Variants in HIP1 observed in about 807,000 individuals in gnomAD.
HIP1 encodes the protein huntingtin interacting protein 1, also known as huntingtin-interacting protein 1.
In HIP1, 65 loss-of-function variants were observed where a neutral mutation model predicts 147.6. That is an observed-to-expected ratio of 0.44 (90% CI 0.36 to 0.54). HIP1 has a LOEUF of 0.54. Ranked by LOEUF, HIP1 falls within the 20% of genes least tolerant of loss-of-function variation. HIP1 has a pLI of 0.00. For synonymous variants in HIP1, 479 were observed against 504.0 expected (o/e 0.95, Z 0.67); for missense variants, 1,061 against 1,299.6 (o/e 0.82, Z 2.82).
chr7:75,561,317 T>C lies in HIP1; in HGVS notation c.1191+12A>G. ...TGGTGAAGCGCAAAGGCAGAGCAGA[T>C]CCAAGTTATACCTCAGTCTTCATGT... On this transcript the variant is annotated intron_variant, in intron 13 of 30. Coordinates refer to ENST00000336926, the MANE Select transcript of HIP1 (RefSeq NM_005338.7). 1 of 1,584,826 alleles carries C rather than the reference T, an allele frequency of 6.3e-7. No homozygotes were observed. The highest frequency in any genetic ancestry group is 8.7e-7 in the Non-Finnish European group (1 of 1,153,300).
intron 1 of HIP1, chr7:75,626,724 A>G (rs1798052095): frequency 6.6e-6 from 1 of 152,226 alleles, no homozygotes; most frequent in Admixed American, 6.5e-5. Flanking sequence ...ACAAAAATTA[A>G]AGTCTACAAA....
Position 75,554,487 on chromosome 7 carries a change from A to T in HIP1, c.2003T>A (p.Ile668Asn). Reference protein sequence around the residue: ...LSTVTSISSCIEQLEKSWSQY... With the variant: ...LSTVTSISSCNEQLEKSWSQY... ...GCTCCAGCTTTTCTCCAGTTGCTCGATGCAGCTGGAAATGGATGTGACCGT... is the reference window on the plus strand; with the variant it reads ...GCTCCAGCTTTTCTCCAGTTGCTCGTTGCAGCTGGAAATGGATGTGACCGT... The change falls in exon 20 of 31, where the codon ATC becomes AAC. Residue 668 changes from isoleucine (I) to asparagine (N), a missense_variant. By Grantham distance (149) the Ile-to-Asn change is moderately radical (BLOSUM62 -3). This residue lies in a region of HIP1 where 810 missense variants were observed against 946.8 expected (regional missense o/e 0.86). Coordinates refer to ENST00000336926, the MANE Select transcript of HIP1 (RefSeq NM_005338.7). 6.2e-7 allele frequency: 1 copy of T among 1,613,936 alleles called. No homozygotes were observed. Among genetic ancestry groups the T allele is most frequent in the Non-Finnish European group, 8.5e-7 (1 of 1,179,918 alleles).
chr7:75,679,897 CT>C (rs1475917039), intron 1 of HIP1, among the ~76,000 whole-genome samples: 58 of 152,292 alleles, frequency 3.8e-4, no homozygotes, highest in African/African-American at 1.3e-3. Flanking sequence ...AAATCCACCC[CT>C]GACCACCTCT....
chr7:75,574,259 C>T (rs1296127082), intron 7 of HIP1, among the ~76,000 whole-genome samples: 1 of 150,900 alleles, frequency 6.6e-6, no homozygotes, highest in Non-Finnish European at 1.5e-5. Context: ...TGCTATTGCA[C>T]TCCAGCAACA....
chr7:75,657,481 G>A (rs1183199142), intron 1 of HIP1, among the ~76,000 whole-genome samples: 2 of 143,998 alleles, frequency 1.4e-5, no homozygotes, highest in African/African-American at 2.6e-5. Context: ...AGTGAGCCGA[G>A]ATCCCGCCAT....
intron 11 of HIP1, among the ~76,000 whole-genome samples, chr7:75,562,504 G>C (rs1409430669): frequency 6.6e-6 from 1 of 152,006 alleles, no homozygotes; most frequent in Non-Finnish European, 1.5e-5. Flanking sequence ...CCTGGTTCTT[G>C]TTCTCTTGCC....
intron 1 of HIP1, chr7:75,611,706 C>A (rs73370131): frequency 0.023 from 23,293 of 1,030,864 alleles, 784 homozygotes; most frequent in African/African-American, 0.14. Flanking sequence ...CATCTGAGAA[C>A]AGGCTGTTCT....
At chr7:75,559,086 T>C (rs1466738615) in intron 14 of HIP1, among the ~76,000 whole-genome samples, 1 of 152,172 alleles carries the variant, frequency 6.6e-6, no homozygotes, top group African/African-American at 2.4e-5. Context: ...ATACATGGCA[T>C]TTATTCTATG....
At chr7:75,648,889 T>G (rs528502294) in intron 1 of HIP1, among the ~76,000 whole-genome samples, 1 of 152,118 alleles carries the variant, frequency 6.6e-6, no homozygotes, top group Non-Finnish European at 1.5e-5. Context: ...GAGGATCGCT[T>G]GAGCTCAGGA....
intron 9 of HIP1, among the ~76,000 whole-genome samples, chr7:75,566,029 T>A (rs1001813367): frequency 2.0e-5 from 3 of 149,964 alleles, no homozygotes; most frequent in Non-Finnish European, 4.4e-5. Flanking sequence ...AAAGATCTTT[T>A]GTTTTTGTTT....
intron 1 of HIP1, among the ~76,000 whole-genome samples, chr7:75,678,933 C>T (rs1236882156): frequency 1.3e-5 from 2 of 152,290 alleles, no homozygotes; most frequent in South Asian, 2.1e-4. Flanking sequence ...TAGCCTAAAA[C>T]GATAGCCAAG....
intron 1 of HIP1, among the ~76,000 whole-genome samples, chr7:75,606,026 T>C (rs1431980058): frequency 6.6e-6 from 1 of 152,082 alleles, no homozygotes; most frequent in African/African-American, 2.4e-5. Context: ...GTTGGTTTTT[T>C]TAAATAGAGA....
chr7:75,588,715 A>C (rs1217984418), intron 4 of HIP1, among the ~76,000 whole-genome samples: 2 of 152,136 alleles, frequency 1.3e-5, no homozygotes, highest in Non-Finnish European at 2.9e-5. Context: ...TTGAGGCTGC[A>C]ATAAGCCATG....
Position 75,545,083 on chromosome 7 carries a change from C to T in HIP1, c.2660+5G>A. ...GGAGGACCCTTGGTACCAATAGATA[C>T]TTACACCATGACAGTGGCTCCCCAG... is the stretch of plus-strand genomic sequence containing the variant. On this transcript the variant is annotated splice_donor_5th_base_variant and intron_variant, in intron 26 of 30. Transcript: ENST00000336926. 1 of 1,561,598 alleles carries T rather than the reference C, an allele frequency of 6.4e-7. No homozygotes were observed. Among genetic ancestry groups the T allele is most frequent in the Non-Finnish European group, 8.8e-7 (1 of 1,139,754 alleles).
intron 1 of HIP1, among the ~76,000 whole-genome samples, chr7:75,715,456 CACAGAGAGAGAGAGAG>C (rs1246509467): frequency 1.4e-5 from 2 of 143,600 alleles, no homozygotes; most frequent in East Asian, 4.1e-4. Flanking sequence ...GAGAGACACA[CACAGAGAGAGAGAGAG>C]AGAGAGAGAG....
Position 75,558,148 on chromosome 7 carries a change from CAG to C in HIP1, c.1464+17_1464+18del, listed in dbSNP as rs1442044135. On this transcript the variant is annotated intron_variant, in intron 15 of 30. Coordinates refer to ENST00000336926, the MANE Select transcript of HIP1 (RefSeq NM_005338.7). ...AGGTGCAGGGCCTGCAGGATGGTGA[CAG>C]GGGCTGAGGGTCTTACCTTCCGCAG... The C allele has an allele frequency of 1.9e-6, 3 of 1,605,918 alleles. No individual in the cohort carries two copies. The highest frequency in any genetic ancestry group is 2.2e-5 in the South Asian group (2 of 90,912).
Position 75,559,766 on chromosome 7 carries a change from G to A in HIP1, c.1341C>T (p.Thr447=), listed in dbSNP as rs1554494168. The change falls in exon 14 of 31, where the codon ACC becomes ACT. Residue 447 remains threonine (T), a synonymous_variant. Transcript: ENST00000336926. ...LDELRRQRED[T]EKAQRSLSEI... is the part of the protein sequence containing the mutation. ...CAGACAGGCTCCGCTGAGCCTTCTC[G>A]GTGTCCTCCCGCTGCCTCCTGAGCT... The A allele has an allele frequency of 4.4e-6, 7 of 1,578,172 alleles. No individual in the cohort carries two copies. The East Asian group carries it at 9.2e-5, about 21-fold the overall frequency.
intron 29 of HIP1, among the ~76,000 whole-genome samples, chr7:75,541,624 AGG>A (rs1554489874): frequency 4.6e-5 from 7 of 151,676 alleles, no homozygotes; most frequent in African/African-American, 1.7e-4. Context: ...TGAACCTGGG[AGG>A]TGGAGAGTGC....
chr7:75,738,323 G>T (rs1802090954), intron 1 of HIP1, among the ~76,000 whole-genome samples: 1 of 144,350 alleles, frequency 6.9e-6, no homozygotes, highest in East Asian at 2.3e-4. Flanking sequence ...GGGGTGGGGG[G>T]TGGGAAGGGA....
Sources: allele counts gnomAD v4.1 joint callset (sites outside exome capture counted in the v4.1 genomes callset), GRCh38; gene constraint gnomAD v4.1.1; regional missense constraint gnomAD v4.1.1; transcripts MANE v1.5; gene names NCBI Gene and HGNC (gene_info 2026-07-23, HGNC 2026-07-21).